The following CDK14 variants were observed in gnomAD, a reference collection of about 807,000 sequenced individuals.
The protein encoded by CDK14 is cyclin dependent kinase 14.
Under a neutral mutation model 60.7 loss-of-function variants are expected in CDK14, and 34 were observed. The observed-to-expected ratio is 0.56, with a 90% CI of 0.43 to 0.75. The LOEUF (loss-of-function observed/expected upper bound fraction) is 0.75. CDK14 is among the 30% of genes least tolerant of loss of function. The pLI, the probability that CDK14 is intolerant of heterozygous loss-of-function variation, is 0.00. For missense variants in CDK14, 482 were observed against 564.1 expected, an observed-to-expected ratio of 0.85 and a Z score of 1.47; for synonymous variants, 197 against 203.7, an observed-to-expected ratio of 0.97 and a Z score of 0.28.
intron 11 of CDK14, among the ~76,000 whole-genome samples, chr7:91,066,275 A>G (rs969869658): frequency 5.9e-5 from 9 of 152,136 alleles, no homozygotes; most frequent in Non-Finnish European, 1.3e-4. Flanking sequence ...ATACTATATG[A>G]TGTCAAAGCC....
rs371283192 is a variant in CDK14, at chr7:90,993,343, A to G, written c.1041+9102A>G. On this transcript the variant is annotated intron_variant, in intron 10 of 14. Transcript: ENST00000380050. ...TGAGGATATTTTACAATCAATATTC[A>G]TATATTTTATAATCTAAGTATTTTT... Among the ~76,000 whole-genome samples, 36 of 152,316 alleles carry G rather than the reference A, an allele frequency of 2.4e-4. No individual in the cohort carries two copies. The East Asian group carries it at 2.5e-3, about 11-fold the overall frequency.
chr7:90,798,390 T>G (rs1014543963), intron 5 of CDK14, among the ~76,000 whole-genome samples: 2 of 152,044 alleles, frequency 1.3e-5, no homozygotes, highest in African/African-American at 4.8e-5. Flanking sequence ...ACACAATAAC[T>G]CCTCTGTGTA....
chr7:90,636,064 A>G (rs896469140), intron 2 of CDK14, among the ~76,000 whole-genome samples: 9 of 150,356 alleles, frequency 6.0e-5, no homozygotes, highest in South Asian at 2.1e-4. Flanking sequence ...TAGATATACA[A>G]TCATGTCATC....
chr7:90,862,831 G>T (rs1396317249), intron 5 of CDK14, among the ~76,000 whole-genome samples: 2 of 152,102 alleles, frequency 1.3e-5, no homozygotes, highest in African/African-American at 4.8e-5. Flanking sequence ...CCTAACTAGA[G>T]ATTAATAACA....
At chr7:90,808,102 G>A (rs1378033864) in intron 5 of CDK14, among the ~76,000 whole-genome samples, 5 of 152,068 alleles carry the variant, frequency 3.3e-5, no homozygotes, top group African/African-American at 4.8e-5. Flanking sequence ...TCAAATTCAG[G>A]AAATACAGAC....
At chr7:90,930,057 A>T (rs1053617179) in intron 8 of CDK14, among the ~76,000 whole-genome samples, 1 of 152,200 alleles carries the variant, frequency 6.6e-6, no homozygotes, top group Non-Finnish European at 1.5e-5. Flanking sequence ...AAATTAGTTT[A>T]TAAGAAAACA....
At chr7:91,020,352 G>A (rs901070851) in intron 10 of CDK14, among the ~76,000 whole-genome samples, 7 of 152,156 alleles carry the variant, frequency 4.6e-5, no homozygotes, top group African/African-American at 9.7e-5. Flanking sequence ...ACATTCATTC[G>A]TGCATGCAAC....
chr7:90,870,862 A>C (rs1791349208), intron 6 of CDK14, among the ~76,000 whole-genome samples: 1 of 152,236 alleles, frequency 6.6e-6, no homozygotes, highest in South Asian at 2.1e-4. Context: ...TTAGGGTCTA[A>C]TGATCTTCAT....
intron 10 of CDK14, among the ~76,000 whole-genome samples, chr7:91,031,221 T>C (rs1796749786): frequency 6.6e-6 from 1 of 152,180 alleles, no homozygotes; most frequent in Admixed American, 6.5e-5. Context: ...TTTATAGTGG[T>C]AAAGGGACAA....
At chr7:91,026,501 C>A (rs1796573727) in intron 10 of CDK14, among the ~76,000 whole-genome samples, 1 of 152,168 alleles carries the variant, frequency 6.6e-6, no homozygotes, top group Middle Eastern at 3.2e-3. Context: ...GTTAGCCCAA[C>A]CTCTGATGTG....
At chr7:90,838,315 G>A (rs10227238) in intron 5 of CDK14, among the ~76,000 whole-genome samples, 63,816 of 151,778 alleles carry the variant, frequency 0.42, 14,293 homozygotes, top group East Asian at 0.85. Flanking sequence ...CATAGGCTGA[G>A]GATGTATGTC....
chr7:91,128,618 A>G (rs556613017), intron 14 of CDK14, among the ~76,000 whole-genome samples: 1 of 152,310 alleles, frequency 6.6e-6, no homozygotes, highest in Non-Finnish European at 1.5e-5. Flanking sequence ...ATGTTATAAT[A>G]AAATAATTGG....
intron 2 of CDK14, among the ~76,000 whole-genome samples, chr7:90,655,951 C>G (rs1800743352): frequency 6.6e-6 from 1 of 152,296 alleles, no homozygotes; most frequent in African/African-American, 2.4e-5. Flanking sequence ...AGGAAAATCA[C>G]TTGAACTTTT....
intron 4 of CDK14, among the ~76,000 whole-genome samples, chr7:90,770,901 G>A (rs925476805): frequency 6.6e-6 from 1 of 152,150 alleles, no homozygotes; most frequent in Non-Finnish European, 1.5e-5. Context: ...TCTTAAGTAG[G>A]CGTCACCCTT....
At chr7:90,805,620 A>G (rs1001891269) in intron 5 of CDK14, among the ~76,000 whole-genome samples, 4 of 152,128 alleles carry the variant, frequency 2.6e-5, no homozygotes, top group Non-Finnish European at 5.9e-5. Flanking sequence ...TCTTGATGGA[A>G]AGAAATAAAG....
intron 3 of CDK14, among the ~76,000 whole-genome samples, chr7:90,727,270 C>G (rs1802677571): frequency 6.6e-6 from 1 of 152,052 alleles, no homozygotes; most frequent in Non-Finnish European, 1.5e-5. Context: ...TCATGTGACT[C>G]TGTAAAGTGA....
intron 9 of CDK14, among the ~76,000 whole-genome samples, chr7:90,967,101 G>A (rs778916535): frequency 2.8e-5 from 4 of 143,766 alleles, no homozygotes; most frequent in Non-Finnish European, 6.1e-5. Context: ...CCAGAAGGAA[G>A]GAAAGGAGGG....
intron 10 of CDK14, among the ~76,000 whole-genome samples, chr7:91,025,332 GGATTGTCCAAA>G (rs960432730): frequency 2.0e-5 from 3 of 152,026 alleles, no homozygotes; most frequent in African/African-American, 7.2e-5. Context: ...TTCTGCCAAG[GGATTGTCCAAA>G]GATTGTCCAA....
At position 90,674,789 on chromosome 7, in the gene CDK14, G is replaced by A. The variant is rs116641539; in HGVS notation, c.124-51778G>A. Among the ~76,000 whole-genome samples, 708 of 152,186 alleles carry A rather than the reference G, an allele frequency of 4.7e-3. 4 individuals are homozygous for A. Among genetic ancestry groups the A allele is most frequent in the African/African-American group, 0.016 (672 of 41,502 alleles). ...AAACTGGCCACTCCAGACCTCCTGG[G>A]ACAGGCCAGGACACCACCTCAGCAC... On this transcript the variant is annotated intron_variant, in intron 2 of 14. Coordinates refer to ENST00000380050, the MANE Select transcript of CDK14 (RefSeq NM_001287135.2).
Sources: gnomAD v4.1 joint callset for allele counts (sites outside exome capture counted in the v4.1 genomes callset) on GRCh38, gnomAD v4.1.1 for gene constraint, MANE v1.5 for transcripts, NCBI Gene and HGNC (gene_info 2026-07-23, HGNC 2026-07-21) for gene names.